Variants in LARGE1 observed in about 807,000 individuals in gnomAD.
LARGE1 encodes the protein LARGE xylosyl- and glucuronyltransferase 1.
A neutral mutation model predicts 87.6 loss-of-function variants in LARGE1; 43 were observed. The observed-to-expected ratio is 0.49, with a 90% CI of 0.38 to 0.63. The LOEUF (loss-of-function observed/expected upper bound fraction) is 0.63, where lower values mean the gene tolerates loss of function less well. LARGE1 is among the 30% of genes least tolerant of loss of function. The probability of loss-of-function intolerance (pLI) is 0.00; values close to 1 mark genes in which losing one functional copy is unlikely to be tolerated. For synonymous variants in LARGE1, 434 were observed against 394.6 expected (o/e 1.10, Z -1.18); for missense variants, 802 against 1,000.2 (o/e 0.80, Z 2.67).
intron 1 of LARGE1, among the ~76,000 whole-genome samples, chr22:33,872,778 A>T (rs896648101): frequency 1.3e-5 from 2 of 152,046 alleles, no homozygotes; most frequent in Non-Finnish European, 2.9e-5. Context: ...CGGGTGGATG[A>T]CCTGAGGTCA....
the LARGE1 span, among the ~76,000 whole-genome samples, chr22:33,115,531 G>A: frequency 1.3e-5 from 2 of 151,906 alleles, no homozygotes; most frequent in Admixed American, 1.3e-4. Flanking sequence ...CTAAAGAAGA[G>A]AAGAGGCCAG....
Position 33,627,764 on chromosome 22 carries a change from A to G in LARGE1, c.409-1438T>C, listed in dbSNP as rs370635973. 2.2e-4 allele frequency among the ~76,000 whole-genome samples: 34 copies of G among 152,204 alleles called. 1 individual carries two copies. In the East Asian group the frequency reaches 3.5e-3, roughly 16 times the overall value. ...CACATCCATGACCCATTTAACCCCA[A>G]TGACCTTCACCCCAACTTGGACACC... On this transcript the variant is annotated intron_variant, in intron 3 of 14. Coordinates refer to ENST00000397394, the MANE Select transcript of LARGE1 (RefSeq NM_133642.5).
chr22:33,737,353 G>A (rs942609800), intron 2 of LARGE1, among the ~76,000 whole-genome samples: 3 of 152,246 alleles, frequency 2.0e-5, no homozygotes, highest in Non-Finnish European at 2.9e-5. Flanking sequence ...TGAATAAGAC[G>A]ACACACCCCT....
chr22:33,427,099 T>C (rs530135226), intron 7 of LARGE1, among the ~76,000 whole-genome samples: 8 of 152,256 alleles, frequency 5.3e-5, no homozygotes, highest in Non-Finnish European at 1.2e-4. Flanking sequence ...TGAATCTTAA[T>C]GAGCCTGTCA....
chr22:33,625,932 A>G (rs1461163039), intron 4 of LARGE1, among the ~76,000 whole-genome samples: 1 of 152,218 alleles, frequency 6.6e-6, no homozygotes, highest in East Asian at 1.9e-4. Flanking sequence ...ACAAGGATGT[A>G]TAACAACTGA....
At chr22:33,080,353 T>G in the LARGE1 span, among the ~76,000 whole-genome samples, 13 of 152,230 alleles carry the variant, frequency 8.5e-5, no homozygotes, top group Admixed American at 8.5e-4. Flanking sequence ...CAGTAGTTTG[T>G]TTCTCACTCG....
chr22:33,834,583 ACT>A (rs1193909128), intron 1 of LARGE1, among the ~76,000 whole-genome samples: 2 of 151,886 alleles, frequency 1.3e-5, no homozygotes, highest in African/African-American at 4.8e-5. Context: ...CCCTTCGCTG[ACT>A]CTCTTTTCGG....
At chr22:33,391,551 A>G (rs2065522577) in intron 7 of LARGE1, among the ~76,000 whole-genome samples, 1 of 152,124 alleles carries the variant, frequency 6.6e-6, no homozygotes. Flanking sequence ...TCTCTAGGAC[A>G]GTGATTTCAA....
chr22:33,673,311 C>T (rs1255137366), intron 2 of LARGE1, among the ~76,000 whole-genome samples: 2 of 152,030 alleles, frequency 1.3e-5, no homozygotes, highest in Non-Finnish European at 2.9e-5. Context: ...ATGGCCCCAC[C>T]AGTTGAATAA....
intron 9 of LARGE1, among the ~76,000 whole-genome samples, chr22:33,378,960 G>C (rs1274556031): frequency 6.6e-6 from 1 of 152,182 alleles, no homozygotes; most frequent in Non-Finnish European, 1.5e-5. Flanking sequence ...GGAACAGCCA[G>C]AGAGAAGAGG....
intron 11 of LARGE1, among the ~76,000 whole-genome samples, chr22:33,253,834 G>T (rs1927124315): frequency 6.6e-6 from 1 of 152,044 alleles, no homozygotes; most frequent in African/African-American, 2.4e-5. Flanking sequence ...TTTGCCAAAG[G>T]TTCCTATGCC....
intron 11 of LARGE1, among the ~76,000 whole-genome samples, chr22:33,190,688 G>A (rs1923729198): frequency 6.6e-6 from 1 of 152,298 alleles, no homozygotes; most frequent in Non-Finnish European, 1.5e-5. Flanking sequence ...TGCAGATCTT[G>A]GTGGGGATGA....
At chr22:33,783,987 A>G (rs1158319552) in intron 1 of LARGE1, among the ~76,000 whole-genome samples, 1 of 151,982 alleles carries the variant, frequency 6.6e-6, no homozygotes, top group Non-Finnish European at 1.5e-5. Context: ...CACTAAGACA[A>G]TCTCTCTCTT....
chr22:33,820,516 G>T (rs886452694), intron 1 of LARGE1, among the ~76,000 whole-genome samples: 1 of 151,934 alleles, frequency 6.6e-6, no homozygotes, highest in Admixed American at 6.6e-5. Flanking sequence ...AGATGAGATG[G>T]GGGTCTCGTG....
At chr22:33,366,242 G>T (rs2064588277) in intron 9 of LARGE1, among the ~76,000 whole-genome samples, 1 of 150,422 alleles carries the variant, frequency 6.6e-6, no homozygotes, top group Non-Finnish European at 1.5e-5. Flanking sequence ...CAGGTATGTT[G>T]CCTCTTCATA....
intron 2 of LARGE1, chr22:33,726,094 T>C (rs1265168172): frequency 8.1e-6 from 1 of 123,304 alleles, no homozygotes; most frequent in Non-Finnish European, 1.7e-5. Flanking sequence ...TCACAGCTAC[T>C]CTTTTTTTTT....
At chr22:33,392,140 A>T (rs1157945098) in intron 7 of LARGE1, among the ~76,000 whole-genome samples, 1 of 139,856 alleles carries the variant, frequency 7.2e-6, no homozygotes, top group East Asian at 2.0e-4. Context: ...TTCTGGGAAC[A>T]CACGCTTCTT....
chr22:33,649,520 AT>A (rs2080726390), intron 3 of LARGE1, among the ~76,000 whole-genome samples: 1 of 152,230 alleles, frequency 6.6e-6, no homozygotes, highest in Non-Finnish European at 1.5e-5. Context: ...ATTCTGTTTA[AT>A]TCTCACAAAT....
At chr22:33,833,069 T>C (rs1359424769) in intron 1 of LARGE1, among the ~76,000 whole-genome samples, 1 of 152,142 alleles carries the variant, frequency 6.6e-6, no homozygotes, top group Non-Finnish European at 1.5e-5. Context: ...GGCAGTCAAC[T>C]CCAGAACCCC....
Sources: gnomAD v4.1 joint callset for allele counts (sites outside exome capture counted in the v4.1 genomes callset) on GRCh38, gnomAD v4.1.1 for gene constraint, MANE v1.5 for transcripts, NCBI Gene and HGNC (gene_info 2026-07-23, HGNC 2026-07-21) for gene names.